WWTR1: variants seen among roughly 807,000 people sequenced by gnomAD.
WWTR1 encodes WW domain-containing transcription regulator protein 1.
Under a neutral mutation model 40.1 loss-of-function variants are expected in WWTR1, and 13 were observed. The observed-to-expected ratio is 0.32, with a 90% CI of 0.21 to 0.52. The LOEUF is 0.52. WWTR1 is among the 20% of genes least tolerant of loss of function. The probability of loss-of-function intolerance (pLI) is 0.97; values close to 1 mark genes in which losing one functional copy is unlikely to be tolerated. For missense variants in WWTR1, 436 were observed against 523.1 expected, an observed-to-expected ratio of 0.83 and a Z score of 1.63; for synonymous variants, 230 against 210.1, an observed-to-expected ratio of 1.09 and a Z score of -0.82.
intron 6 of WWTR1, among the ~76,000 whole-genome samples, chr3:149,522,291 T>C (rs1191577209): frequency 6.6e-6 from 1 of 152,130 alleles, no homozygotes; most frequent in African/African-American, 2.4e-5. Context: ...TTTAGCAATC[T>C]GTGTTTTCCA....
intron 1 of WWTR1, among the ~76,000 whole-genome samples, chr3:149,675,842 C>T (rs770888208): frequency 3.6e-4 from 55 of 152,014 alleles, no homozygotes; most frequent in Non-Finnish European, 4.9e-4. Context: ...CTCAGCCTCC[C>T]GAGTAGCTGA....
At chr3:149,595,806 G>T (rs1274547696) in intron 2 of WWTR1, among the ~76,000 whole-genome samples, 2 of 152,148 alleles carry the variant, frequency 1.3e-5, no homozygotes, top group African/African-American at 4.8e-5. Context: ...GCCGAGGCAG[G>T]TGAACACCTG....
chr3:149,549,838 C>CA (rs1379750102), intron 3 of WWTR1, among the ~76,000 whole-genome samples: 16 of 150,422 alleles, frequency 1.1e-4, no homozygotes, highest in Admixed American at 2.0e-4. Flanking sequence ...AACCTTGTCT[C>CA]AAAAAAACAA....
intron 2 of WWTR1, among the ~76,000 whole-genome samples, chr3:149,644,672 A>C (rs1712383934): frequency 6.6e-6 from 1 of 152,164 alleles, no homozygotes; most frequent in Admixed American, 6.5e-5. Context: ...ACAATGCAAA[A>C]ACAAACTAAT....
At chr3:149,585,121 C>CATGTGTGTGTGTGT (rs139952174) in intron 2 of WWTR1, among the ~76,000 whole-genome samples, 2 of 144,314 alleles carry the variant, frequency 1.4e-5, no homozygotes, top group Admixed American at 7.0e-5. Context: ...TGATTTCTTT[C>CATGTGTGTGTGTGT]GTGTGTGTGT....
At chr3:149,639,760 G>A (rs1430185303) in intron 2 of WWTR1, among the ~76,000 whole-genome samples, 5 of 152,090 alleles carry the variant, frequency 3.3e-5, no homozygotes, top group Non-Finnish European at 4.4e-5. Context: ...TTGGGAGGCC[G>A]AGGTGGGTGG....
upstream of WWTR1, chr3:149,659,817 T>A (rs1713488535): frequency 6.6e-6 from 1 of 152,116 alleles, no homozygotes; most frequent in Non-Finnish European, 1.5e-5. Flanking sequence ...AGTGAGCCAC[T>A]TCCCCTGTTA....
intron 2 of WWTR1, among the ~76,000 whole-genome samples, chr3:149,644,618 G>A (rs9821781): frequency 0.58 from 87,523 of 152,024 alleles, 25,635 homozygotes; most frequent in Middle Eastern, 0.69. Context: ...TACTCTACCC[G>A]GTCCTGAGGT....
chr3:149,520,436 G>A lies in WWTR1; in HGVS notation c.*369C>T, dbSNP rs1370761360. On this transcript the variant is annotated 3_prime_UTR_variant, in exon 7 of 7. Transcript: ENST00000360632. ...ATGCCCTCAGAAGTAACTGCCTGTG[G>A]TCAGCTTTTTATGGTTTAAAATCAA... 5 of 162,600 alleles carry A rather than the reference G, an allele frequency of 3.1e-5. No individual in the cohort carries two copies. The highest frequency in any genetic ancestry group is 1.2e-4 in the African/African-American group (5 of 41,870). The allele number at this position is 162,600 out of a possible 1,614,324, so 10.1% of individuals were successfully genotyped here.
chr3:149,544,413 T>A (rs1376552528), intron 3 of WWTR1, among the ~76,000 whole-genome samples: 1 of 152,178 alleles, frequency 6.6e-6, no homozygotes, highest in Non-Finnish European at 1.5e-5. Flanking sequence ...GCACTGGGCT[T>A]AAACTTGGAA....
chr3:149,612,851 A>T (rs1011110254), intron 2 of WWTR1, among the ~76,000 whole-genome samples: 16 of 152,172 alleles, frequency 1.1e-4, no homozygotes, highest in African/African-American at 3.6e-4. Context: ...CTCCACTCAC[A>T]ATCCACCTAC....
chr3:149,599,388 A>T (rs1739144082), intron 2 of WWTR1, among the ~76,000 whole-genome samples: 1 of 152,246 alleles, frequency 6.6e-6, no homozygotes, highest in Non-Finnish European at 1.5e-5. Flanking sequence ...GTGTCCAGGA[A>T]ATCCCGCCAG....
In WWTR1 at chr3:149,617,735, G is replaced by A. The variant is rs559986439; in HGVS notation, c.431+39141C>T. ...GAATCACTTGAACCCGGGAGGTGGA[G>A]GTTAACAGTGAGCAGGGATTGCATC... On this transcript the variant is annotated intron_variant, in intron 2 of 6. Coordinates refer to ENST00000360632, the MANE Select transcript of WWTR1 (RefSeq NM_015472.6). Among the ~76,000 whole-genome samples, 8 of 152,280 alleles carry A rather than the reference G, an allele frequency of 5.3e-5. No individual in the cohort carries two copies. The South Asian group carries it at 1.7e-3, about 32-fold the overall frequency.
intron 1 of WWTR1, among the ~76,000 whole-genome samples, chr3:149,685,051 T>A (rs1194784743): frequency 2.6e-5 from 4 of 152,204 alleles, no homozygotes; most frequent in Non-Finnish European, 4.4e-5. Flanking sequence ...CTAATATACT[T>A]GAAATGTAAT....
intron 2 of WWTR1, among the ~76,000 whole-genome samples, chr3:149,653,519 C>G (rs1263650618): frequency 6.6e-6 from 1 of 152,174 alleles, no homozygotes; most frequent in East Asian, 1.9e-4. Context: ...CATTGTTACT[C>G]TAAAGGAATA....
intron 3 of WWTR1, among the ~76,000 whole-genome samples, chr3:149,567,846 T>A (rs1737405137): frequency 1.3e-5 from 2 of 152,174 alleles, no homozygotes; most frequent in Admixed American, 1.3e-4. Flanking sequence ...GAAACTCAGT[T>A]CTGACTTCAA....
At chr3:149,531,942 G>T (rs9858354) in intron 4 of WWTR1, among the ~76,000 whole-genome samples, 59,136 of 151,994 alleles carry the variant, frequency 0.39, 14,032 homozygotes, top group Non-Finnish European at 0.53. Flanking sequence ...ATAGCCTATT[G>T]TATACAACCC....
intron 2 of WWTR1, among the ~76,000 whole-genome samples, chr3:149,600,816 T>C (rs893498177): frequency 2.0e-5 from 3 of 152,176 alleles, no homozygotes; most frequent in Non-Finnish European, 2.9e-5. Flanking sequence ...CATGGAATGC[T>C]CACTCTTGGA....
At chr3:149,526,999 C>G (rs10935766) in intron 5 of WWTR1, among the ~76,000 whole-genome samples, 1 of 152,058 alleles carries the variant, frequency 6.6e-6, no homozygotes, top group African/African-American at 2.4e-5. Flanking sequence ...GAGTACAGAG[C>G]GTTCCCATGT....
Sources: gnomAD v4.1 joint callset for allele counts (sites outside exome capture counted in the v4.1 genomes callset) on GRCh38, gnomAD v4.1.1 for gene constraint, MANE v1.5 for transcripts, NCBI Gene and HGNC (gene_info 2026-07-23, HGNC 2026-07-21) for gene names.